GABRG3: variants seen among roughly 807,000 people sequenced by gnomAD.
GABRG3 encodes the protein gamma-aminobutyric acid receptor subunit gamma-3.
A neutral mutation model predicts 48.8 loss-of-function variants in GABRG3; 25 were observed. That is an observed-to-expected ratio of 0.51 (90% confidence interval 0.37 to 0.72). The LOEUF (loss-of-function observed/expected upper bound fraction) is 0.72, where lower values mean the gene tolerates loss of function less well. Among genes scored for constraint, GABRG3 ranks in the 30% least tolerant of loss-of-function variants. GABRG3 has a pLI of 0.00. For synonymous variants in GABRG3, 227 were observed against 217.6 expected (o/e 1.04, Z -0.38); for missense variants, 394 against 577.9 (o/e 0.68, Z 3.26).
intron 3 of GABRG3, among the ~76,000 whole-genome samples, chr15:27,309,087 A>C: frequency 7.0e-6 from 1 of 143,832 alleles, no homozygotes; most frequent in East Asian, 1.9e-4. Context: ...TTATATAGAA[A>C]TATAATGTAA....
chr15:27,297,066 A>G (rs1214875919), intron 3 of GABRG3, among the ~76,000 whole-genome samples: 1 of 152,138 alleles, frequency 6.6e-6, no homozygotes, highest in African/African-American at 2.4e-5. Flanking sequence ...AGTTTTTAAC[A>G]AACAAGTTTA....
chr15:27,495,147 AAC>A (rs1341818358), intron 6 of GABRG3, among the ~76,000 whole-genome samples: 5 of 152,146 alleles, frequency 3.3e-5, no homozygotes, highest in Admixed American at 2.0e-4. Flanking sequence ...AACCCATGGG[AAC>A]CACCTTACTA....
In GABRG3 at chr15:27,179,715, A is replaced by G. The variant is rs1372147555; in HGVS notation, c.271-147094A>G. ...TTTGTTTGATTCTCTATTTGTTGCCATCTGTTCTGTGTCTTTTCATGGTGT... is the reference window on the plus strand; with the variant it reads ...TTTGTTTGATTCTCTATTTGTTGCCGTCTGTTCTGTGTCTTTTCATGGTGT... On this transcript the variant is annotated intron_variant, in intron 3 of 9. Transcript: ENST00000615808. This position sits in a 1 kb window ranked among gnomAD's most constrained non-coding sequence, Gnocchi z 4.0. Among the ~76,000 whole-genome samples the G allele has an allele frequency of 6.6e-6, 1 of 152,110 alleles. No individual in the cohort carries two copies. Among genetic ancestry groups the G allele is most frequent in the East Asian group, 1.9e-4 (1 of 5,182 alleles).
At chr15:26,971,716 G>T (rs1894849411) in intron 1 of GABRG3, 128 bp downstream of exon 1, 1 of 1,076,576 alleles carries the variant, frequency 9.3e-7, no homozygotes. Flanking sequence ...GCCGGGAGGG[G>T]ACTGGGAAGT....
chr15:27,329,240 C>A (rs563384425), intron 5 of GABRG3, among the ~76,000 whole-genome samples: 14 of 152,186 alleles, frequency 9.2e-5, no homozygotes, highest in Admixed American at 7.9e-4. Context: ...TTAACATTAT[C>A]TTTTTTAAAT....
At chr15:27,113,842 T>C (rs1038390380) in intron 3 of GABRG3, among the ~76,000 whole-genome samples, 1 of 152,216 alleles carries the variant, frequency 6.6e-6, no homozygotes, top group Non-Finnish European at 1.5e-5. Context: ...CTGGATGCCC[T>C]AAGGTGTAAT....
At chr15:27,458,246 C>T (rs1273899795) in intron 5 of GABRG3, among the ~76,000 whole-genome samples, 2 of 152,222 alleles carry the variant, frequency 1.3e-5, no homozygotes, top group African/African-American at 4.8e-5. Flanking sequence ...TTCTTCAAAG[C>T]TGCTAACTGA....
chr15:27,013,128 A>G (rs939559088), intron 2 of GABRG3, among the ~76,000 whole-genome samples: 11 of 152,132 alleles, frequency 7.2e-5, no homozygotes, highest in African/African-American at 2.7e-4. Context: ...TGGATTTCTA[A>G]CTACTTTAAG....
chr15:27,511,677 A>T (rs1016560146), intron 6 of GABRG3, among the ~76,000 whole-genome samples: 4 of 152,252 alleles, frequency 2.6e-5, no homozygotes. Context: ...CGGAACTTGT[A>T]TTCTATGGGG....
intron 3 of GABRG3, among the ~76,000 whole-genome samples, chr15:27,137,873 T>C (rs2140387510): frequency 6.6e-6 from 1 of 152,284 alleles, no homozygotes; most frequent in South Asian, 2.1e-4. Flanking sequence ...TTAAGGTAAG[T>C]AAAGGTTTTC....
chr15:27,438,058 C>T (rs764862462), intron 5 of GABRG3, among the ~76,000 whole-genome samples: 4 of 152,174 alleles, frequency 2.6e-5, no homozygotes, highest in African/African-American at 4.8e-5. Context: ...CATTGGGGAT[C>T]AGATTTCAAC....
intron 2 of GABRG3, among the ~76,000 whole-genome samples, chr15:27,006,879 G>C (rs1021493912): frequency 1.3e-5 from 2 of 148,422 alleles, no homozygotes; most frequent in East Asian, 4.0e-4. Flanking sequence ...TTGCTCTGTT[G>C]CCCAGGCCGG....
rs1174906850 is a variant in GABRG3 at position 27,533,868 on chromosome 15, C to G, written c.*987C>G. 1.3e-5 allele frequency: 2 copies of G among 152,110 alleles called. No homozygotes were observed. Among genetic ancestry groups the G allele is most frequent in the Non-Finnish European group, 1.5e-5 (1 of 68,012 alleles). 9.4% of individuals were successfully genotyped at this position (152,110 alleles called of 1,614,324 possible). A position where few individuals can be genotyped will look rare whatever the true frequency, so the allele number is the denominator to read the frequency against. ...TATTTTTTTGAGACAGAGTCATGCT[C>G]TGTCACCTGGCCAGGCTGGAGTGCA... On this transcript the variant is annotated 3_prime_UTR_variant, in exon 10 of 10. Coordinates refer to ENST00000615808, the MANE Select transcript of GABRG3 (RefSeq NM_033223.5).
intron 5 of GABRG3, among the ~76,000 whole-genome samples, chr15:27,350,978 T>C (rs939058723): frequency 6.6e-6 from 1 of 151,602 alleles, no homozygotes; most frequent in East Asian, 1.9e-4. Flanking sequence ...TGTTTGTGTG[T>C]GTATGGTGTG....
intron 3 of GABRG3, among the ~76,000 whole-genome samples, chr15:27,115,664 G>A (rs183472848): frequency 1.5e-3 from 222 of 152,244 alleles, no homozygotes; most frequent in Non-Finnish European, 2.4e-3. Flanking sequence ...TTACAGGCCT[G>A]CTGGAACCAG....
intron 9 of GABRG3, chr15:27,530,575 TC>T: frequency 4.3e-6 from 2 of 468,840 alleles, no homozygotes; most frequent in South Asian, 3.1e-5. Context: ...GTTTTTTGGC[TC>T]CCTAAATGAA....
chr15:27,418,615 G>T lies in GABRG3; in HGVS notation c.575-62035G>T, dbSNP rs577931222. The stretch of plus-strand genomic sequence containing the variant: ...CGGTGAGGCTTTTGCCTGTGCAGCA[G>T]AGTGAGCCCCAGAGAGTCCCATATC... On this transcript the variant is annotated intron_variant, in intron 5 of 9. Coordinates refer to ENST00000615808, the MANE Select transcript of GABRG3 (RefSeq NM_033223.5). Among the ~76,000 whole-genome samples, 79 of 152,364 alleles carry T rather than the reference G, an allele frequency of 5.2e-4. 1 individual carries two copies. Among genetic ancestry groups the T allele is most frequent in the African/African-American group, 1.7e-3 (71 of 41,594 alleles).
intron 5 of GABRG3, among the ~76,000 whole-genome samples, chr15:27,350,637 C>T (rs181724837): frequency 1.1e-3 from 172 of 152,238 alleles, no homozygotes; most frequent in Admixed American, 2.5e-3. Context: ...AGCGCATCAA[C>T]ACCACCAGGG....
At chr15:27,422,536 A>G (rs981879562) in intron 5 of GABRG3, 1 of 152,230 alleles carries the variant, frequency 6.6e-6, no homozygotes, top group African/African-American at 2.4e-5. Context: ...TAAGACATCC[A>G]TGGGAGTGGG....
Sources: gnomAD v4.1 joint callset for allele counts (sites outside exome capture counted in the v4.1 genomes callset) on GRCh38, gnomAD v4.1.1 for gene constraint, Gnocchi (gnomAD v3.1) non-coding constraint, MANE v1.5 for transcripts, NCBI Gene and HGNC (gene_info 2026-07-23, HGNC 2026-07-21) for gene names.